The following ACSS3 variants were observed in gnomAD, a reference collection of about 807,000 sequenced individuals.
The protein encoded by ACSS3 is acyl-CoA synthetase short-chain family member 3, mitochondrial.
In ACSS3, 64 loss-of-function variants were observed where a neutral mutation model predicts 84.2. That is an observed-to-expected ratio of 0.76 (90% CI 0.62 to 0.94). ACSS3 has a LOEUF of 0.94. Among genes scored for constraint, ACSS3 ranks in the 40% least tolerant of loss-of-function variants. ACSS3 has a pLI of 0.00. For synonymous variants in ACSS3, 317 were observed against 310.1 expected (o/e 1.02, Z -0.23); for missense variants, 815 against 867.6 (o/e 0.94, Z 0.76).
intron 13 of ACSS3, among the ~76,000 whole-genome samples, chr12:81,250,147 T>C (rs1355172202): frequency 1.3e-5 from 2 of 151,984 alleles, no homozygotes; most frequent in Non-Finnish European, 2.9e-5. Context: ...TTGATATTTT[T>C]CCCCCCATAG....
At chr12:81,229,408 A>C (rs1416714981) in intron 11 of ACSS3, among the ~76,000 whole-genome samples, 1 of 151,860 alleles carries the variant, frequency 6.6e-6, no homozygotes, top group Non-Finnish European at 1.5e-5. Context: ...CACCTTCAGC[A>C]TCCTGAAAGT....
chr12:81,167,226 C>T (rs552457340), intron 7 of ACSS3, among the ~76,000 whole-genome samples: 54 of 152,254 alleles, frequency 3.5e-4, no homozygotes, highest in African/African-American at 1.2e-3. Flanking sequence ...AGACTCTTAT[C>T]TGCTAGATAG....
chr12:81,239,725 G>T (rs12311688), intron 13 of ACSS3, among the ~76,000 whole-genome samples: 3 of 151,640 alleles, frequency 2.0e-5, no homozygotes, highest in Admixed American at 6.6e-5. Flanking sequence ...CATGACACAT[G>T]GGAATTATGG....
At chr12:81,102,106 C>T (rs1464598609) in intron 1 of ACSS3, among the ~76,000 whole-genome samples, 1 of 151,896 alleles carries the variant, frequency 6.6e-6, no homozygotes, top group Non-Finnish European at 1.5e-5. Context: ...CACACACACA[C>T]TTATATACAC....
At chr12:81,192,846 A>G (rs149256372) in intron 8 of ACSS3, among the ~76,000 whole-genome samples, 44 of 151,846 alleles carry the variant, frequency 2.9e-4, no homozygotes, top group Admixed American at 1.3e-4. Flanking sequence ...GTCTCTCTAC[A>G]TTTTTCTTTT....
rs538117841 is a variant in ACSS3 at position 81,254,951 on chromosome 12, G to T, written c.*29G>T. The T allele has an allele frequency of 1.3e-6, 2 of 1,495,302 alleles. No homozygotes were observed. The highest frequency in any genetic ancestry group is 4.7e-5 in the East Asian group (2 of 42,256). The allele number at this position is 1,495,302 out of a possible 1,614,324, so 92.6% of individuals were successfully genotyped here. A position where few individuals can be genotyped will look rare whatever the true frequency, so the allele number is the denominator to read the frequency against. ...GTTTGTCTTATTCCTATTTTGAGTTGATTTAATTTCTTAATTGAAATTAAA... is the reference window on the plus strand; with the variant it reads ...GTTTGTCTTATTCCTATTTTGAGTTTATTTAATTTCTTAATTGAAATTAAA... On this transcript the variant is annotated 3_prime_UTR_variant, in exon 16 of 16. Transcript: ENST00000548058.
intron 2 of ACSS3, among the ~76,000 whole-genome samples, chr12:81,121,144 C>G (rs1469244360): frequency 6.6e-6 from 1 of 152,122 alleles, no homozygotes; most frequent in African/African-American, 2.4e-5. Flanking sequence ...AGACCTTCAC[C>G]TATATTGATT....
intron 2 of ACSS3, among the ~76,000 whole-genome samples, chr12:81,115,371 A>C (rs1883953070): frequency 6.6e-6 from 1 of 152,128 alleles, no homozygotes; most frequent in African/African-American, 2.4e-5. Context: ...TAGTGAATGC[A>C]TAGTGGTATT....
chr12:81,113,658 C>T (rs1195071111), intron 2 of ACSS3, among the ~76,000 whole-genome samples: 1 of 152,020 alleles, frequency 6.6e-6, no homozygotes, highest in Non-Finnish European at 1.5e-5. Flanking sequence ...TTTGAAATTT[C>T]CAAGTGACTC....
chr12:81,196,090 C>T (rs995696500), intron 8 of ACSS3, among the ~76,000 whole-genome samples: 2 of 152,104 alleles, frequency 1.3e-5, no homozygotes, highest in African/African-American at 4.8e-5. Context: ...CACTTGCATA[C>T]CCACACATGT....
intron 7 of ACSS3, among the ~76,000 whole-genome samples, chr12:81,157,385 C>A (rs1886928420): frequency 6.6e-6 from 1 of 152,138 alleles, no homozygotes; most frequent in Admixed American, 6.5e-5. Context: ...TATGAAAAAA[C>A]CTGCTGCTAA....
intron 7 of ACSS3, among the ~76,000 whole-genome samples, chr12:81,170,377 G>C (rs2029942760): frequency 6.6e-6 from 1 of 152,082 alleles, no homozygotes; most frequent in South Asian, 2.1e-4. Flanking sequence ...TTTGGTTTCT[G>C]TGCTTTGTAC....
At chr12:81,157,107 C>G (rs556218245) in intron 7 of ACSS3, among the ~76,000 whole-genome samples, 87 of 152,122 alleles carry the variant, frequency 5.7e-4, no homozygotes, top group African/African-American at 2.0e-3. Flanking sequence ...AAAATATTAG[C>G]AAATATTTTG....
intron 2 of ACSS3, 86 bp downstream of exon 2, chr12:81,109,790 T>C: frequency 9.1e-7 from 1 of 1,104,360 alleles, no homozygotes. Context: ...GAGCCTTCAA[T>C]TCTCTAATGC....
intron 1 of ACSS3, among the ~76,000 whole-genome samples, chr12:81,087,560 T>G (rs1881400629): frequency 6.6e-6 from 1 of 152,152 alleles, no homozygotes. Flanking sequence ...TCACTCCGTA[T>G]TATTGTCCAT....
In ACSS3 at chr12:81,241,383, T is replaced by A. The variant is rs981213962; in HGVS notation, c.1719+7912T>A. Among the ~76,000 whole-genome samples the A allele has an allele frequency of 1.8e-4, 28 of 152,268 alleles. No homozygotes were observed. The East Asian group carries it at 2.9e-3, about 16-fold the overall frequency. ...GGATGGCTGGGTCAAATGGTATTTCTAGTTCTAGATCCCTGAGGAATTGCC... is the reference window on the plus strand; with the variant it reads ...GGATGGCTGGGTCAAATGGTATTTCAAGTTCTAGATCCCTGAGGAATTGCC... On this transcript the variant is annotated intron_variant, in intron 13 of 15. Transcript: ENST00000548058.
At chr12:81,187,217 G>A (rs1220337411) in intron 8 of ACSS3, among the ~76,000 whole-genome samples, 2 of 151,384 alleles carry the variant, frequency 1.3e-5, no homozygotes, top group Non-Finnish European at 3.0e-5. Flanking sequence ...GGAAGAAAGG[G>A]GAAATGAACA....
chr12:81,187,894 G>T (rs1168924184), intron 8 of ACSS3, among the ~76,000 whole-genome samples: 2 of 151,820 alleles, frequency 1.3e-5, no homozygotes, highest in Non-Finnish European at 1.5e-5. Context: ...ACGCAGGTAA[G>T]CCTGAGGCTA....
chr12:81,139,331 C>T lies in ACSS3; in HGVS notation c.780+66C>T, dbSNP rs1043504423. ...TGCTAAGAATGAGTTTAGTTTTTAC[C>T]ATTTAAAAGAGACATTTGATTTATA... On this transcript the variant is annotated intron_variant, in intron 4 of 15. Transcript: ENST00000548058. 5 of 1,543,128 alleles carry T rather than the reference C, an allele frequency of 3.2e-6. No homozygotes were observed. In the African/African-American group the frequency reaches 6.8e-5, roughly 21 times the overall value.
Sources: allele counts gnomAD v4.1 joint callset (sites outside exome capture counted in the v4.1 genomes callset), GRCh38; gene constraint gnomAD v4.1.1; transcripts MANE v1.5; gene names NCBI Gene and HGNC (gene_info 2026-07-23, HGNC 2026-07-21).